The following TXNRD1 variants were observed in gnomAD, a reference collection of about 807,000 sequenced individuals.
The protein encoded by TXNRD1 is thioredoxin reductase 1, also known as thioredoxin reductase 1, cytoplasmic.
In TXNRD1, 57 loss-of-function variants were observed where a neutral mutation model predicts 80.3. The observed-to-expected ratio is 0.71, with a 90% CI of 0.57 to 0.89. The LOEUF is 0.89. Ranked by LOEUF, TXNRD1 falls within the 40% of genes least tolerant of loss-of-function variation. The probability of loss-of-function intolerance (pLI) is 0.00; values close to 1 mark genes in which losing one functional copy is unlikely to be tolerated. For missense variants in TXNRD1, 730 were observed against 803.0 expected, an observed-to-expected ratio of 0.91 and a Z score of 1.10; for synonymous variants, 291 against 285.2, an observed-to-expected ratio of 1.02 and a Z score of -0.20.
At chr12:104,303,702 T>G (rs951731210) in intron 4 of TXNRD1, 1 of 622,632 alleles carries the variant, frequency 1.6e-6, no homozygotes, top group Non-Finnish European at 2.5e-6. Flanking sequence ...CGGAGCGTGC[T>G]GGGGGCGGGT....
intron 1 of TXNRD1, among the ~76,000 whole-genome samples, chr12:104,249,124 A>G (rs2033057735): frequency 6.6e-6 from 1 of 152,244 alleles, no homozygotes; most frequent in African/African-American, 2.4e-5. Context: ...AATTTCTTAC[A>G]GTTCTGTGGC....
chr12:104,312,570 C>T (rs1348438057), intron 5 of TXNRD1, among the ~76,000 whole-genome samples: 1 of 151,750 alleles, frequency 6.6e-6, no homozygotes, highest in African/African-American at 2.4e-5. Context: ...TAGACTCAGT[C>T]CTTTCAAATA....
At chr12:104,284,896 C>G (rs1276358899) in intron 3 of TXNRD1, among the ~76,000 whole-genome samples, 1 of 152,162 alleles carries the variant, frequency 6.6e-6, no homozygotes, top group East Asian at 1.9e-4. Context: ...TTTGCTACGG[C>G]CAGGCACAGT....
intron 3 of TXNRD1, among the ~76,000 whole-genome samples, chr12:104,271,268 C>T (rs1027190407): frequency 2.0e-5 from 3 of 149,050 alleles, no homozygotes; most frequent in African/African-American, 7.5e-5. Context: ...TCACTGCAAG[C>T]TCCGCCTCCC....
At chr12:104,326,294 A>T in intron 11 of TXNRD1, 53 bp from the exon 12 acceptor site, 1 of 1,248,308 alleles carries the variant, frequency 8.0e-7, no homozygotes. Flanking sequence ...TGATTAGGTA[A>T]TAAATGCAAA....
intron 3 of TXNRD1, chr12:104,286,877 G>A: frequency 3.6e-6 from 4 of 1,111,368 alleles, no homozygotes; most frequent in Non-Finnish European, 4.4e-6. Context: ...GGAGCTCTCA[G>A]CTTACGAGGC....
At chr12:104,246,966 G>C (rs979549417) in intron 1 of TXNRD1, among the ~76,000 whole-genome samples, 2 of 152,200 alleles carry the variant, frequency 1.3e-5, no homozygotes, top group Non-Finnish European at 1.5e-5. Flanking sequence ...GTTGTTACAA[G>C]TGGATAGTAA....
intron 3 of TXNRD1, chr12:104,287,265 C>G: frequency 3.7e-6 from 6 of 1,613,860 alleles, no homozygotes; most frequent in Non-Finnish European, 5.1e-6. Context: ...TCTGAGCAGA[C>G]GGGGAGGCTT....
intron 1 of TXNRD1, among the ~76,000 whole-genome samples, chr12:104,219,005 A>G (rs2032286107): frequency 6.6e-6 from 1 of 152,218 alleles, no homozygotes; most frequent in Admixed American, 6.5e-5. Flanking sequence ...GTGCAGTGGC[A>G]TGAATCATAG....
At chr12:104,306,150 C>A (rs575456791) in intron 4 of TXNRD1, among the ~76,000 whole-genome samples, 1 of 152,094 alleles carries the variant, frequency 6.6e-6, no homozygotes, top group Non-Finnish European at 1.5e-5. Flanking sequence ...GTGATCCACC[C>A]GCCTCGGCCT....
chr12:104,339,290 T>C lies in TXNRD1; in HGVS notation c.1881+17T>C, dbSNP rs2036245063. ...TGTGCAGAGGTGGGTCATCTACACTTATACAGTTTAAAATGTTTAAAATGT... is the reference window on the plus strand; with the variant it reads ...TGTGCAGAGGTGGGTCATCTACACTCATACAGTTTAAAATGTTTAAAATGT... On this transcript the variant is annotated intron_variant, in intron 16 of 16. Coordinates refer to ENST00000525566, the MANE Select transcript of TXNRD1 (RefSeq NM_001093771.3). The C allele has an allele frequency of 1.2e-6, 2 of 1,613,620 alleles. No individual in the cohort carries two copies. The highest frequency in any genetic ancestry group is 1.7e-6 in the Non-Finnish European group (2 of 1,179,700).
chr12:104,267,537 T>C (rs1216998340), intron 3 of TXNRD1, among the ~76,000 whole-genome samples: 1 of 151,766 alleles, frequency 6.6e-6, no homozygotes, highest in Non-Finnish European at 1.5e-5. Context: ...CTTTCCTTTC[T>C]TTCTTTTTTC....
At chr12:104,277,207 C>T (rs560253519) in intron 3 of TXNRD1, among the ~76,000 whole-genome samples, 4 of 144,880 alleles carry the variant, frequency 2.8e-5, no homozygotes, top group East Asian at 2.0e-4. Context: ...CTGGCTAATG[C>T]GGTGAAACCC....
At chr12:104,313,498 A>C (rs565445730) in intron 6 of TXNRD1, among the ~76,000 whole-genome samples, 181 bp downstream of exon 6, 2 of 152,228 alleles carry the variant, frequency 1.3e-5, no homozygotes, top group Admixed American at 1.3e-4. Context: ...AATGCTAAAA[A>C]TTTAGGTTCT....
chr12:104,257,717 T>G (rs993894020), intron 2 of TXNRD1, among the ~76,000 whole-genome samples: 4 of 152,120 alleles, frequency 2.6e-5, no homozygotes, highest in African/African-American at 4.8e-5. Flanking sequence ...CCTGCTTTTT[T>G]AAACATAGTA....
chr12:104,316,277 G>A (rs1484699232), intron 7 of TXNRD1, among the ~76,000 whole-genome samples: 2 of 150,936 alleles, frequency 1.3e-5, no homozygotes, highest in African/African-American at 4.9e-5. Context: ...GTTTGTGGGG[G>A]GTGGGGGTTG....
intron 1 of TXNRD1, among the ~76,000 whole-genome samples, chr12:104,222,453 A>T (rs1416542936): frequency 1.3e-5 from 2 of 152,238 alleles, no homozygotes; most frequent in Non-Finnish European, 2.9e-5. Flanking sequence ...GGTAAAGCTA[A>T]TTTAAAGGCA....
At chr12:104,221,284 C>T (rs1392892269) in intron 1 of TXNRD1, among the ~76,000 whole-genome samples, 1 of 152,020 alleles carries the variant, frequency 6.6e-6, no homozygotes, top group African/African-American at 2.4e-5. Context: ...AACAAATCTA[C>T]CTGTTGGGTT....
At chr12:104,303,755 G>A (rs571496486) in intron 4 of TXNRD1, 1 of 1,061,408 alleles carries the variant, frequency 9.4e-7, no homozygotes, top group Non-Finnish European at 1.3e-6. Flanking sequence ...GGGCGTCCTC[G>A]GCTCTAACTG....
Sources: allele counts gnomAD v4.1 joint callset (sites outside exome capture counted in the v4.1 genomes callset), GRCh38; gene constraint gnomAD v4.1.1; transcripts MANE v1.5; gene names NCBI Gene and HGNC (gene_info 2026-07-23, HGNC 2026-07-21).